Variants in CDC42BPA observed in about 807,000 individuals in gnomAD.
CDC42BPA encodes the protein serine/threonine-protein kinase MRCK alpha.
CDC42BPA carries 80 observed loss-of-function variants against 223.5 expected under a neutral mutation model. That is an observed-to-expected ratio of 0.36 (90% confidence interval 0.30 to 0.43). CDC42BPA has a LOEUF of 0.43. Among genes scored for constraint, CDC42BPA ranks in the 20% least tolerant of loss-of-function variants. The probability of loss-of-function intolerance (pLI) is 1.00; values close to 1 mark genes in which losing one functional copy is unlikely to be tolerated. For synonymous variants in CDC42BPA, 694 were observed against 718.6 expected (o/e 0.97, Z 0.55); for missense variants, 1,743 against 2,099.9 (o/e 0.83, Z 3.32).
At chr1:227,303,103 G>C (rs772679170) in intron 1 of CDC42BPA, among the ~76,000 whole-genome samples, 1 of 151,684 alleles carries the variant, frequency 6.6e-6, no homozygotes, top group African/African-American at 2.4e-5. Context: ...AGGCTTTGAG[G>C]ATCCTCAGAT....
At chr1:227,299,127 A>G (rs1245616924) in intron 1 of CDC42BPA, among the ~76,000 whole-genome samples, 1 of 152,222 alleles carries the variant, frequency 6.6e-6, no homozygotes, top group Non-Finnish European at 1.5e-5. Flanking sequence ...ACTCAAATAC[A>G]GTTTGAGCCA....
chr1:227,133,500 TGGC>T (rs1455966482), intron 10 of CDC42BPA, among the ~76,000 whole-genome samples: 1 of 152,074 alleles, frequency 6.6e-6, no homozygotes, highest in Non-Finnish European at 1.5e-5. Flanking sequence ...ATGATGACAA[TGGC>T]GGTTTTGTGG....
intron 24 of CDC42BPA, among the ~76,000 whole-genome samples, chr1:227,037,631 A>C (rs1265959109): frequency 2.0e-5 from 3 of 152,208 alleles, no homozygotes; most frequent in African/African-American, 7.2e-5. Flanking sequence ...GGGATGGGCT[A>C]CATTTCCTTT....
intron 2 of CDC42BPA, among the ~76,000 whole-genome samples, chr1:227,220,282 T>TTTTATATATATATATATATATATA (rs748787987): frequency 2.0e-5 from 2 of 100,874 alleles, no homozygotes; most frequent in Non-Finnish European, 3.9e-5. Flanking sequence ...AAAAGTCATG[T>TTTTATATATATATATATATATATA]TATATATATA....
At chr1:227,145,210 T>C (rs997203794) in intron 8 of CDC42BPA, among the ~76,000 whole-genome samples, 1 of 152,202 alleles carries the variant, frequency 6.6e-6, no homozygotes, top group African/African-American at 2.4e-5. Context: ...TTTTTAAATA[T>C]CTAATTTGTT....
chr1:227,180,664 T>C (rs1341861536), intron 5 of CDC42BPA: 1 of 152,222 alleles, frequency 6.6e-6, no homozygotes, highest in Non-Finnish European at 1.5e-5. Flanking sequence ...ATTCTGACTA[T>C]CTATGTAAAT....
At chr1:227,148,919 T>C (rs1661222906) in intron 6 of CDC42BPA, among the ~76,000 whole-genome samples, 1 of 151,552 alleles carries the variant, frequency 6.6e-6, no homozygotes. Context: ...GCATTAGAGA[T>C]GAGTAGGGTT....
chr1:227,133,839 G>A (rs1003577398), intron 10 of CDC42BPA, among the ~76,000 whole-genome samples: 1 of 151,814 alleles, frequency 6.6e-6, no homozygotes, highest in African/African-American at 2.4e-5. Flanking sequence ...AAGGCCGCAG[G>A]GTCCTCTGCC....
intron 2 of CDC42BPA, among the ~76,000 whole-genome samples, chr1:227,231,539 A>G (rs144245734): frequency 0.12 from 17,633 of 151,990 alleles, 1,251 homozygotes; most frequent in South Asian, 0.21. Context: ...CTAGTTCTAG[A>G]TACCTGAGGA....
intron 1 of CDC42BPA, among the ~76,000 whole-genome samples, chr1:227,271,202 C>A (rs1019624558): frequency 1.3e-5 from 2 of 151,986 alleles, no homozygotes; most frequent in African/African-American, 4.8e-5. Flanking sequence ...TATTCATGTA[C>A]AACTTGTGTA....
At position 227,086,901 on chromosome 1, in the gene CDC42BPA, G is replaced by A. The variant is rs1001633267; in HGVS notation, c.2355+4985C>T. On this transcript the variant is annotated intron_variant, in intron 16 of 36. Transcript: ENST00000366766. ...TTTCCCAGATTGGTTTTGAACTCCT[G>A]GGCTTAAGTGATCCTCATGCCTTAG... is the stretch of plus-strand genomic sequence containing the variant. Among the ~76,000 whole-genome samples the A allele has an allele frequency of 1.9e-4, 29 of 151,998 alleles. 1 individual carries two copies. Among genetic ancestry groups the A allele is most frequent in the African/African-American group, 7.0e-4 (29 of 41,386 alleles).
intron 23 of CDC42BPA, 82 bp downstream of exon 23, chr1:227,047,845 T>A (rs1292179335): frequency 1.4e-6 from 1 of 695,710 alleles, no homozygotes; most frequent in Non-Finnish European, 2.4e-6. Flanking sequence ...AGAAATAATA[T>A]CAAAAAAATC....
At position 227,297,940 on chromosome 1, in the gene CDC42BPA, A is replaced by G. The variant is rs374547040; in HGVS notation, c.178+19065T>C. On this transcript the variant is annotated intron_variant, in intron 1 of 36. Coordinates refer to ENST00000366766, the MANE Select transcript of CDC42BPA (RefSeq NM_001394014.1). Reference sequence around the variant, plus strand: ...GGGCTAAAATGGCAAATTTTGTTTTATGTGTGTGTGTGTGTATATATACAT... The same window carrying G: ...GGGCTAAAATGGCAAATTTTGTTTTGTGTGTGTGTGTGTGTATATATACAT... Among the ~76,000 whole-genome samples, 56 of 87,314 alleles carry G rather than the reference A, an allele frequency of 6.4e-4. 1 individual carries two copies. Among genetic ancestry groups the G allele is most frequent in the South Asian group, 1.7e-3 (4 of 2,354 alleles). The allele number at this position is 87,314 out of a possible 152,430, so 57.3% of individuals were successfully genotyped here.
rs191712765 is a variant in CDC42BPA, at chr1:227,255,374, G to A, written c.179-1219C>T. Among the ~76,000 whole-genome samples, 433 of 152,234 alleles carry A rather than the reference G, an allele frequency of 2.8e-3. 8 individuals carry two copies. Among genetic ancestry groups the A allele is most frequent in the Non-Finnish European group, 7.2e-4 (49 of 68,020 alleles). On this transcript the variant is annotated intron_variant, in intron 1 of 36. Transcript: ENST00000366766. ...TATGCATTTAGCTCTAACTAGCTTC[G>A]AAAACGGGTATTCCACACTGCTTAG...
chr1:227,031,600 T>A, intron 27 of CDC42BPA, 86 bp from the exon 28 acceptor site: 2 of 1,059,726 alleles, frequency 1.9e-6, no homozygotes, highest in South Asian at 1.5e-5. Flanking sequence ...TGCTTAGCAC[T>A]CACCAATAAA....
chr1:227,310,101 A>T (rs1693247590), intron 1 of CDC42BPA, among the ~76,000 whole-genome samples: 1 of 152,230 alleles, frequency 6.6e-6, no homozygotes, highest in Non-Finnish European at 1.5e-5. Flanking sequence ...CCATGACCTT[A>T]TACTGGAAGA....
At chr1:227,154,763 A>T (rs973526368) in intron 6 of CDC42BPA, among the ~76,000 whole-genome samples, 4 of 152,118 alleles carry the variant, frequency 2.6e-5, no homozygotes, top group Non-Finnish European at 5.9e-5. Context: ...AGATGAGAAG[A>T]TTCCATGTTA....
At chr1:227,252,880 T>C (rs1488612475) in intron 2 of CDC42BPA, among the ~76,000 whole-genome samples, 2 of 152,186 alleles carry the variant, frequency 1.3e-5, no homozygotes, top group African/African-American at 4.8e-5. Context: ...TCAATAAAAT[T>C]AAATTCTACT....
intron 1 of CDC42BPA, among the ~76,000 whole-genome samples, chr1:227,258,408 C>G (rs908824526): frequency 6.6e-6 from 1 of 150,504 alleles, no homozygotes; most frequent in African/African-American, 2.5e-5. Flanking sequence ...ATTGACTATT[C>G]TAATTTGGGG....
Sources: gnomAD v4.1 joint callset for allele counts (sites outside exome capture counted in the v4.1 genomes callset) on GRCh38, gnomAD v4.1.1 for gene constraint, MANE v1.5 for transcripts, NCBI Gene and HGNC (gene_info 2026-07-23, HGNC 2026-07-21) for gene names.